Variants in KIT observed in about 807,000 individuals in gnomAD.
KIT encodes mast/stem cell growth factor receptor Kit.
In KIT, 16 loss-of-function variants were observed where a neutral mutation model predicts 105.7. That is an observed-to-expected ratio of 0.15 (90% CI 0.10 to 0.23). The LOEUF (loss-of-function observed/expected upper bound fraction) is 0.23. Among genes scored for constraint, KIT ranks in the 10% least tolerant of loss-of-function variants. The pLI, the probability that KIT is intolerant of heterozygous loss-of-function variation, is 1.00. For synonymous variants in KIT, 438 were observed against 441.1 expected (o/e 0.99, Z 0.09); for missense variants, 858 against 1,213.8 (o/e 0.71, Z 4.36).
intron 6 of KIT, among the ~76,000 whole-genome samples, chr4:54,708,680 G>C (rs1261867218): frequency 6.6e-6 from 1 of 152,192 alleles, no homozygotes; most frequent in African/African-American, 2.4e-5. Flanking sequence ...CTCAGTGTGA[G>C]AGAGTGGGCT....
At chr4:54,665,720 T>C (rs957024540) in intron 1 of KIT, among the ~76,000 whole-genome samples, 1 of 152,148 alleles carries the variant, frequency 6.6e-6, no homozygotes, top group African/African-American at 2.4e-5. Context: ...GATGTTGGAC[T>C]CTGCTGGGTT....
intron 1 of KIT, among the ~76,000 whole-genome samples, chr4:54,673,958 A>G (rs1718292176): frequency 6.6e-6 from 1 of 152,090 alleles, no homozygotes; most frequent in Non-Finnish European, 1.5e-5. Flanking sequence ...TTTAGTAGAG[A>G]CAGGGTTTCA....
chr4:54,678,950 T>G (rs1718714008), intron 1 of KIT, among the ~76,000 whole-genome samples: 1 of 151,446 alleles, frequency 6.6e-6, no homozygotes, highest in South Asian at 2.1e-4. Context: ...CTCCCCCACC[T>G]TTGCTGTGCC....
At chr4:54,701,023 A>C (rs113308790) in intron 4 of KIT, among the ~76,000 whole-genome samples, 3 of 152,378 alleles carry the variant, frequency 2.0e-5, no homozygotes, top group African/African-American at 7.2e-5. Context: ...AGATGAGAGA[A>C]CAATTTAGAC....
chr4:54,691,955 A>G (rs368154148), intron 1 of KIT, among the ~76,000 whole-genome samples: 159 of 152,308 alleles, frequency 1.0e-3, no homozygotes, highest in African/African-American at 3.7e-3. Flanking sequence ...TCCCATACAT[A>G]GGAAGTGGGT....
intron 1 of KIT, among the ~76,000 whole-genome samples, chr4:54,688,891 G>T (rs1228425754): frequency 6.6e-6 from 1 of 152,218 alleles, no homozygotes. Context: ...GGACAGCTAG[G>T]AGATGGACAG....
intron 8 of KIT, among the ~76,000 whole-genome samples, chr4:54,724,371 G>A (rs939123681): frequency 2.6e-5 from 4 of 152,150 alleles, no homozygotes; most frequent in Non-Finnish European, 4.4e-5. Flanking sequence ...TAGTATGGTC[G>A]CAGAAATTTT....
chr4:54,684,987 T>G (rs1719211780), intron 1 of KIT, among the ~76,000 whole-genome samples: 1 of 152,188 alleles, frequency 6.6e-6, no homozygotes, highest in Admixed American at 6.5e-5. Context: ...GGTTCTAGTG[T>G]CCATCTATTT....
chr4:54,673,926 C>A (rs765685459), intron 1 of KIT, among the ~76,000 whole-genome samples: 1 of 152,046 alleles, frequency 6.6e-6, no homozygotes, highest in African/African-American at 2.4e-5. Context: ...TGTGCCACCA[C>A]GCCCAGCTAA....
chr4:54,718,226 G>A (rs566512271), intron 7 of KIT, among the ~76,000 whole-genome samples: 3 of 152,154 alleles, frequency 2.0e-5, no homozygotes, highest in South Asian at 2.1e-4. Context: ...TCAGCCTCCC[G>A]AGTAGCTGGT....
At chr4:54,699,234 A>T (rs531619976) in intron 3 of KIT, among the ~76,000 whole-genome samples, 2 of 152,320 alleles carry the variant, frequency 1.3e-5, no homozygotes, top group Non-Finnish European at 2.9e-5. Flanking sequence ...AGAGGTGAGC[A>T]GGGTAGGATT....
intron 8 of KIT, among the ~76,000 whole-genome samples, chr4:54,724,756 TAAA>T (rs561488432): frequency 7.0e-6 from 1 of 141,976 alleles, no homozygotes; most frequent in African/African-American, 2.6e-5. Flanking sequence ...GCTGATGAGC[TAAA>T]AAAAAAAAAA....
rs1723111015 is a variant in KIT, at chr4:54,739,235, A to G, written c.*678A>G. ...CCCTAGCCAGCACTTGTATATACGC[A>G]TCTATAAATTGTCCGTGTTCATACA... On this transcript the variant is annotated 3_prime_UTR_variant, in exon 21 of 21. Coordinates refer to ENST00000288135, the MANE Select transcript of KIT (RefSeq NM_000222.3). 1 of 260,324 alleles carries G rather than the reference A, an allele frequency of 3.8e-6. No individual in the cohort carries two copies. Among genetic ancestry groups the G allele is most frequent in the East Asian group, 5.7e-5 (1 of 17,686 alleles). 16.1% of individuals were successfully genotyped at this position (260,324 alleles called of 1,614,324 possible). A position where few individuals can be genotyped will look rare whatever the true frequency, so the allele number is the denominator to read the frequency against.
At chr4:54,737,314 T>C (rs1167735419) in intron 20 of KIT, 34 bp downstream of exon 20, 3 of 1,360,252 alleles carry the variant, frequency 2.2e-6, no homozygotes, top group Non-Finnish European at 3.2e-6. Flanking sequence ...AGAATCCCCC[T>C]TCTCCCAGTT....
intron 4 of KIT, among the ~76,000 whole-genome samples, chr4:54,702,702 C>T (rs1187512971): frequency 6.6e-6 from 1 of 151,986 alleles, no homozygotes; most frequent in Admixed American, 6.6e-5. Flanking sequence ...CTTTTATTTT[C>T]TGTTGAGCAA....
intron 1 of KIT, among the ~76,000 whole-genome samples, chr4:54,676,839 A>C (rs943024034): frequency 6.6e-6 from 1 of 152,096 alleles, no homozygotes; most frequent in African/African-American, 2.4e-5. Flanking sequence ...TGGCCTCTGC[A>C]GGAGCTGCCC....
At position 54,683,372 on chromosome 4, in the gene KIT, C is replaced by T. The variant is rs117416689; in HGVS notation, c.68-12140C>T. Among the ~76,000 whole-genome samples the T allele has an allele frequency of 5.9e-5, 9 of 152,204 alleles. 1 individual carries two copies. The East Asian group carries it at 1.7e-3, about 30-fold the overall frequency. On this transcript the variant is annotated intron_variant, in intron 1 of 20. Coordinates refer to ENST00000288135, the MANE Select transcript of KIT (RefSeq NM_000222.3). Reference sequence around the variant, plus strand: ...GCAGTTATGGCCGGGCGCGGTGGCTCACACCTGTAATTCCAGCACTTAGGA... The same window carrying T: ...GCAGTTATGGCCGGGCGCGGTGGCTTACACCTGTAATTCCAGCACTTAGGA...
chr4:54,709,549 A>C lies in KIT; in HGVS notation c.1231+10A>C. On this transcript the variant is annotated intron_variant, in intron 7 of 20. Transcript: ENST00000288135. Reference sequence around the variant, plus strand: ...AATGTTTATGTGAATAGTAAGTAACATGAAGGGCTCCTTTTAATTTTTTAT... The same window carrying C: ...AATGTTTATGTGAATAGTAAGTAACCTGAAGGGCTCCTTTTAATTTTTTAT... The C allele has an allele frequency of 6.7e-7, 1 of 1,486,756 alleles. No individual in the cohort carries two copies. Among genetic ancestry groups the C allele is most frequent in the African/African-American group, 1.4e-5 (1 of 72,400 alleles). The allele number at this position is 1,486,756 out of a possible 1,614,324, so 92.1% of individuals were successfully genotyped here.
chr4:54,734,810 A>G (rs554147180), intron 17 of KIT, among the ~76,000 whole-genome samples: 7 of 152,280 alleles, frequency 4.6e-5, no homozygotes, highest in Admixed American at 2.6e-4. Context: ...GGTAAAGCCT[A>G]TGGGACCCTT....
Sources: allele counts gnomAD v4.1 joint callset (sites outside exome capture counted in the v4.1 genomes callset), GRCh38; gene constraint gnomAD v4.1.1; transcripts MANE v1.5; gene names NCBI Gene and HGNC (gene_info 2026-07-23, HGNC 2026-07-21).